FLNA: variants seen among roughly 807,000 people sequenced by gnomAD.
The protein encoded by FLNA is filamin-A.
In FLNA, 7 loss-of-function variants were observed where a neutral mutation model predicts 157.6. The ratio of observed to expected loss-of-function variants is 0.04; its 90% CI spans 0.03 to 0.08. FLNA has a LOEUF of 0.08. Among genes scored for constraint, FLNA ranks in the 10% least tolerant of loss-of-function variants. The pLI, the probability that FLNA is intolerant of heterozygous loss-of-function variation, is 1.00. For synonymous variants in FLNA, 1,103 were observed against 1,060.8 expected (o/e 1.04, Z -0.77); for missense variants, 1,750 against 2,398.4 (o/e 0.73, Z 5.65).
chrX:154,349,334 AG>A, intron 47 of FLNA, 27 bp downstream of exon 47: 1 of 1,188,500 alleles, frequency 8.4e-7, no homozygotes, highest in Non-Finnish European at 1.1e-6. Flanking sequence ...TTTGGTGGGA[AG>A]GTGGGCCGGG....
At chrX:154,360,730 A>G (rs1442930155) in intron 21 of FLNA, 143 bp from the exon 22 acceptor site, 7 of 535,461 alleles carry the variant, frequency 1.3e-5, no homozygotes, top group Non-Finnish European at 2.2e-5. Flanking sequence ...TGCCTGCCAG[A>G]TGGGCCATCC....
chrX:154,371,176 G>A lies in FLNA; in HGVS notation c.70C>T (p.Arg24Trp), dbSNP rs1164930154. 3 of 1,194,001 alleles carry A rather than the reference G, an allele frequency of 2.5e-6. No homozygotes were observed. The highest frequency in any genetic ancestry group is 3.4e-6 in the Non-Finnish European group (3 of 887,302). ...GAAPGGGVDT[R>W]DAEMPATEKD... is the part of the protein sequence containing the mutation. ...TCGGTGGCCGGCATCTCGGCGTCCC[G>A]CGTGTCGACGCCGCCGCCCGGAGCC... The change falls in exon 2 of 48, where the codon CGG becomes TGG. Residue 24 changes from arginine to tryptophan, a missense_variant. Physicochemically the swap from Arg to Trp is moderately radical, Grantham distance 101. Coordinates refer to ENST00000369850, the MANE Select transcript of FLNA (RefSeq NM_001110556.2).
intron 1 of FLNA, among the ~76,000 whole-genome samples, chrX:154,372,043 G>A (rs955319476): frequency 8.8e-6 from 1 of 113,710 alleles, no homozygotes; most frequent in African/African-American, 3.2e-5. Flanking sequence ...GCCCTCGCCC[G>A]CGCACCTGTG....
chrX:154,367,262 G>A (rs1324182140), intron 5 of FLNA, 135 bp downstream of exon 5: 4 of 663,462 alleles, frequency 6.0e-6, no homozygotes, highest in Non-Finnish European at 9.1e-6. Flanking sequence ...ACCCACTCTT[G>A]TCTGACTCTT....
rs782461822 is a variant in FLNA, at chrX:154,362,442, G to A, written c.2541C>T (p.Thr847=). The change falls in exon 17 of 48, where the codon ACC becomes ACT. Residue 847 remains threonine, a synonymous_variant. Coordinates refer to ENST00000369850, the MANE Select transcript of FLNA (RefSeq NM_001110556.2). ...KYTPRGAGSY[T]IMVLFADQAT... ...CCTGGTCAGCAAAGAGGACCATAAT[G>A]GTGTAGCTGCCAGCCCCCCGGGGCG... The A allele has an allele frequency of 2.8e-5, 34 of 1,210,720 alleles. No homozygotes were observed. In the South Asian group the frequency reaches 6.0e-4, roughly 21 times the overall value.
At chrX:154,351,176 C>T (rs999723784) in intron 43 of FLNA, 135 bp from the exon 44 acceptor site, 8 of 687,196 alleles carry the variant, frequency 1.2e-5, no homozygotes, top group Non-Finnish European at 1.6e-5. Flanking sequence ...GAGGGAGAGC[C>T]ACTGATTTGC....
chrX:154,352,971 C>T (rs1391188229), intron 38 of FLNA, 30 bp downstream of exon 38: 12 of 1,209,083 alleles, frequency 9.9e-6, no homozygotes, highest in African/African-American at 5.2e-5. Flanking sequence ...ACAGTGCTCC[C>T]GCCCCAGCTG....
rs782409692 is a variant in FLNA, at chrX:154,364,981, G to A, written c.1692-24C>T. ...GACTGCAAATGCGAGAGCCACACAG[G>A]GAACACCGAGGATCACCACATGAGC... On this transcript the variant is annotated intron_variant, in intron 11 of 47. Transcript: ENST00000369850. 8.3e-6 allele frequency: 10 copies of A among 1,209,412 alleles called. No individual in the cohort carries two copies. In the African/African-American group the frequency reaches 1.7e-4, roughly 21 times the overall value.
Position 154,351,597 on chromosome X carries a change from G to A in FLNA, c.7007C>T (p.Thr2336Ile). 8.3e-7 allele frequency: 1 copy of A among 1,204,091 alleles called. No individual in the cohort carries two copies. Among genetic ancestry groups the A allele is most frequent in the Non-Finnish European group, 1.1e-6 (1 of 888,816 alleles). ...ASPSGDARRL[T>I]VSSLQESGLK... is the part of the protein sequence containing the mutation. ...GTGCCTCACCTGAAGGCTAGAAACA[G>A]TGAGGCGGCGGGCGTCGCCAGACGG... The change falls in exon 43 of 48, where the codon ACT becomes ATT. Residue 2336 changes from threonine to isoleucine, a missense_variant. Physicochemically the swap from Thr to Ile is moderately conservative, Grantham distance 89. This residue lies in a region of FLNA where 970 missense variants were observed against 1,302.6 expected (regional missense o/e 0.74). Coordinates refer to ENST00000369850, the MANE Select transcript of FLNA (RefSeq NM_001110556.2).
Position 154,354,912 on chromosome X carries a change from G to T in FLNA, c.5130C>A (p.Ile1710=), listed in dbSNP as rs1557176625. Residue 1710 remains isoleucine, a synonymous_variant, in exon 31 of 48, where the codon ATC becomes ATA. Transcript: ENST00000369850. ...TGCCCGGCTGGGGGGCCGTGTAGAAGATGTCGAAAGTGCCGTCCTCATTCT... is the reference window on the plus strand; with the variant it reads ...TGCCCGGCTGGGGGGCCGTGTAGAATATGTCGAAAGTGCCGTCCTCATTCT... ...VVENEDGTFD[I]FYTAPQPGKY... is the part of the protein sequence containing the mutation. The T allele has an allele frequency of 8.3e-7, 1 of 1,211,099 alleles. No homozygotes were observed. The highest frequency in any genetic ancestry group is 1.7e-5 in the African/African-American group (1 of 57,660).
Position 154,353,310 on chromosome X carries a change from C to T in FLNA, c.6008G>A (p.Arg2003His), listed in dbSNP as rs1182812659. The change falls in exon 37 of 48, where the codon CGT (arginine) becomes CAT (histidine). Residue 2003 changes from arginine (R) to histidine (H), a missense_variant. Physicochemically the swap from Arg to His is conservative, Grantham distance 29. Around this residue, in one of 5 missense-constraint regions of FLNA, gnomAD observed 970 missense variants for 1,302.6 expected, o/e 0.74. Transcript: ENST00000369850. ...REEPCLLKRL[R>H]NGHVGISFVP... ...CAGCCGCTTACCCACGTGGCCATTACGCAGCCGCTTCAGCAAACAGGGCTC... is the reference window on the plus strand; with the variant it reads ...CAGCCGCTTACCCACGTGGCCATTATGCAGCCGCTTCAGCAAACAGGGCTC... The T allele has an allele frequency of 1.3e-5, 16 of 1,210,766 alleles. No homozygotes were observed. The highest frequency in any genetic ancestry group is 1.2e-4 in the East Asian group (4 of 33,796).
At chrX:154,356,883 C>A (rs924465136) in intron 30 of FLNA, among the ~76,000 whole-genome samples, 3 of 112,296 alleles carry the variant, frequency 2.7e-5, no homozygotes, top group African/African-American at 9.7e-5. Context: ...GTTGGGGAGA[C>A]CCCTTGTTCC....
intron 29 of FLNA, 28 bp from the exon 30 acceptor site, chrX:154,357,302 G>A: frequency 8.3e-7 from 1 of 1,209,112 alleles, no homozygotes. Context: ...AGAGCAAGGA[G>A]AAAGGTCAGG....
Position 154,353,964 on chromosome X carries a change from T to C in FLNA, c.5637A>G (p.Val1879=), listed in dbSNP as rs782570797. 2 of 1,210,798 alleles carry C rather than the reference T, an allele frequency of 1.7e-6. No individual in the cohort carries two copies. Among genetic ancestry groups the C allele is most frequent in the African/African-American group, 3.5e-5 (2 of 57,563 alleles). ...TAYGPGLTHG[V]VNKPATFTVN... is the part of the protein sequence containing the mutation. Reference sequence around the variant, plus strand: ...CGGTGAAGGTGGCAGGCTTGTTCACTACTCCATGGGTGAGGCCAGGCCCAT... The same window carrying C: ...CGGTGAAGGTGGCAGGCTTGTTCACCACTCCATGGGTGAGGCCAGGCCCAT... The change falls in exon 35 of 48, where the codon GTA becomes GTG. Residue 1879 remains valine, a synonymous_variant. Coordinates refer to ENST00000369850, the MANE Select transcript of FLNA (RefSeq NM_001110556.2).
chrX:154,351,217 C>T (rs1194272781), intron 43 of FLNA, 176 bp from the exon 44 acceptor site: 3 of 504,613 alleles, frequency 5.9e-6, no homozygotes, highest in Admixed American at 2.9e-5. Context: ...CGCACATCCC[C>T]GCCCCTGCCC....
intron 30 of FLNA, among the ~76,000 whole-genome samples, chrX:154,356,512 C>T (rs2067664086): frequency 8.9e-6 from 1 of 112,060 alleles, no homozygotes; most frequent in Non-Finnish European, 1.9e-5. Flanking sequence ...CTCTAGCCAC[C>T]CTCTCACCCT....
intron 47 of FLNA, 48 bp downstream of exon 47, chrX:154,349,314 C>T (rs368529342): frequency 7.8e-6 from 9 of 1,148,932 alleles, no homozygotes; most frequent in Middle Eastern, 5.0e-4. Context: ...CCTGTGATTT[C>T]TGGCCTCATT....
At chrX:154,349,608 C>T (rs372491500) in intron 46 of FLNA, 41 bp downstream of exon 46, 384 of 1,209,513 alleles carry the variant, frequency 3.2e-4, no homozygotes, top group Non-Finnish European at 4.0e-4. Context: ...GCTGTGGTGC[C>T]GGGCGTTGGG....
rs1557176446 is a variant in FLNA at position 154,354,369 on chromosome X, G to A, written c.5416+12C>T. ...CCTTGGCTCCCGAGCTCCTTCCCAA[G>A]TCCCCACTCACCTGTGATCTCGCCC... On this transcript the variant is annotated intron_variant, in intron 33 of 47. Coordinates refer to ENST00000369850, the MANE Select transcript of FLNA (RefSeq NM_001110556.2). 6.6e-6 allele frequency: 8 copies of A among 1,210,784 alleles called. No individual in the cohort carries two copies. Among genetic ancestry groups the A allele is most frequent in the Non-Finnish European group, 8.9e-6 (8 of 894,594 alleles).
Sources: gnomAD v4.1 joint callset for allele counts (sites outside exome capture counted in the v4.1 genomes callset) on GRCh38, gnomAD v4.1.1 for gene constraint, gnomAD v4.1.1 regional missense constraint, MANE v1.5 for transcripts, NCBI Gene and HGNC (gene_info 2026-07-23, HGNC 2026-07-21) for gene names.